SESN1: variants seen among roughly 807,000 people sequenced by gnomAD.
The protein encoded by SESN1 is sestrin 1.
In SESN1, 30 loss-of-function variants were observed where a neutral mutation model predicts 59.3. The observed-to-expected ratio is 0.51, with a 90% CI of 0.38 to 0.69. SESN1 has a LOEUF of 0.69. SESN1 is among the 30% of genes least tolerant of loss of function. The pLI, the probability that SESN1 is intolerant of heterozygous loss-of-function variation, is 0.00. For synonymous variants in SESN1, 197 were observed against 219.9 expected, an observed-to-expected ratio of 0.90 and a Z score of 0.92; for missense variants, 566 against 673.0, an observed-to-expected ratio of 0.84 and a Z score of 1.76.
chr6:109,028,911 T>C (rs1472256842), intron 1 of SESN1, among the ~76,000 whole-genome samples: 2 of 152,168 alleles, frequency 1.3e-5, no homozygotes, highest in South Asian at 2.1e-4. Context: ...ATGGTGCATA[T>C]GGTGACATGA....
At chr6:109,013,100 G>A (rs796140261) in intron 1 of SESN1, among the ~76,000 whole-genome samples, 1,975 of 129,410 alleles carry the variant, frequency 0.015, 45 homozygotes, top group African/African-American at 0.05. Context: ...TGGCAACAGG[G>A]AAAAAAAAAA....
chr6:109,066,161 G>A (rs1434159646), intron 1 of SESN1, among the ~76,000 whole-genome samples: 1 of 151,982 alleles, frequency 6.6e-6, no homozygotes, highest in Non-Finnish European at 1.5e-5. Flanking sequence ...TTGATTTTTG[G>A]CTTAATAACA....
intron 1 of SESN1, among the ~76,000 whole-genome samples, chr6:109,054,993 C>T (rs1780605535): frequency 6.6e-6 from 1 of 152,172 alleles, no homozygotes; most frequent in Non-Finnish European, 1.5e-5. Context: ...TACTTTTCTC[C>T]AAGAAGGTGA....
chr6:109,087,234 G>A (rs1057252146), intron 1 of SESN1, among the ~76,000 whole-genome samples: 12 of 152,138 alleles, frequency 7.9e-5, no homozygotes, highest in African/African-American at 2.7e-4. Flanking sequence ...TCAAAACATA[G>A]GACAGGATGT....
intron 1 of SESN1, among the ~76,000 whole-genome samples, chr6:109,065,478 C>T (rs1308141329): frequency 6.6e-6 from 1 of 151,826 alleles, no homozygotes; most frequent in Non-Finnish European, 1.5e-5. Flanking sequence ...CCTGATTGTC[C>T]CTCTCACACA....
At chr6:108,988,288 A>C in intron 9 of SESN1, 1 of 317,468 alleles carries the variant, frequency 3.1e-6, no homozygotes, top group Non-Finnish European at 5.7e-6. Flanking sequence ...TTTATAAAAC[A>C]GTCTTCTATG....
intron 3 of SESN1, 32 bp downstream of exon 3, chr6:109,001,255 GC>G: frequency 6.3e-7 from 1 of 1,582,486 alleles, no homozygotes; most frequent in Non-Finnish European, 8.7e-7. Context: ...ATAAAAATAG[GC>G]AAAAACAATT....
chr6:109,043,269 A>G (rs1259151206), intron 1 of SESN1, among the ~76,000 whole-genome samples: 1 of 152,168 alleles, frequency 6.6e-6, no homozygotes, highest in Non-Finnish European at 1.5e-5. Flanking sequence ...CTTTCCTCTT[A>G]AGATTGGGAA....
chr6:109,049,624 T>C (rs1780510847), intron 1 of SESN1, among the ~76,000 whole-genome samples: 1 of 151,842 alleles, frequency 6.6e-6, no homozygotes, highest in African/African-American at 2.4e-5. Context: ...GAAACACTAT[T>C]ATGTACCCCA....
chr6:109,016,445 T>G (rs1473288832), intron 1 of SESN1, among the ~76,000 whole-genome samples: 1 of 152,216 alleles, frequency 6.6e-6, no homozygotes, highest in Non-Finnish European at 1.5e-5. Context: ...ACCTTCTTTT[T>G]CTGCCTTCTT....
At chr6:109,057,588 C>G (rs1780657494) in intron 1 of SESN1, among the ~76,000 whole-genome samples, 1 of 152,200 alleles carries the variant, frequency 6.6e-6, no homozygotes, top group Non-Finnish European at 1.5e-5. Context: ...TACCTCTGCT[C>G]AGAAGTTCAT....
At chr6:109,052,132 A>C (rs983188296) in intron 1 of SESN1, among the ~76,000 whole-genome samples, 31 of 152,358 alleles carry the variant, frequency 2.0e-4, no homozygotes, top group South Asian at 1.0e-3. Flanking sequence ...AGCTGCAAAT[A>C]CATCAAAATG....
chr6:109,008,105 G>A (rs1480021299), intron 1 of SESN1, among the ~76,000 whole-genome samples: 1 of 152,044 alleles, frequency 6.6e-6, no homozygotes, highest in Non-Finnish European at 1.5e-5. Context: ...TCCCATAAGC[G>A]CTGTAACAAT....
intron 6 of SESN1, among the ~76,000 whole-genome samples, chr6:108,993,604 C>T (rs528473074): frequency 1.3e-5 from 2 of 152,254 alleles, no homozygotes; most frequent in African/African-American, 4.8e-5. Flanking sequence ...CATCTGGAGA[C>T]ACTTTATAAA....
intron 1 of SESN1, among the ~76,000 whole-genome samples, chr6:109,057,353 TCA>T (rs1233432914): frequency 6.6e-6 from 1 of 152,216 alleles, no homozygotes; most frequent in Non-Finnish European, 1.5e-5. Flanking sequence ...TTGATACAAA[TCA>T]CATTCTAAGG....
At chr6:109,072,862 C>T (rs1344717389) in intron 1 of SESN1, among the ~76,000 whole-genome samples, 1 of 150,606 alleles carries the variant, frequency 6.6e-6, no homozygotes, top group Non-Finnish European at 1.5e-5. Flanking sequence ...TAGTTGACTA[C>T]GGAATCACCA....
chr6:109,020,824 T>C (rs1187921159), intron 1 of SESN1, among the ~76,000 whole-genome samples: 1 of 152,216 alleles, frequency 6.6e-6, no homozygotes, highest in Non-Finnish European at 1.5e-5. Context: ...CAAATTTATA[T>C]TCTAAAGCAG....
intron 1 of SESN1, among the ~76,000 whole-genome samples, chr6:109,085,515 T>TCA (rs59793015): frequency 0.082 from 12,111 of 148,234 alleles, 598 homozygotes; most frequent in Non-Finnish European, 0.12. Context: ...TGACACTCCG[T>TCA]CACACACACA....
chr6:109,000,675 T>A lies in SESN1; in HGVS notation c.547-2A>T, dbSNP rs755131214. Reference sequence around the variant, plus strand: ...GGAGCACTGATGTCTTGCCGCAGCCTTAAAACAAAAAGATTATTCTAATTA... The same window carrying A: ...GGAGCACTGATGTCTTGCCGCAGCCATAAAACAAAAAGATTATTCTAATTA... On this transcript the variant is annotated splice_acceptor_variant, in intron 3 of 9. Coordinates refer to ENST00000436639, the MANE Select transcript of SESN1 (RefSeq NM_014454.3). LOFTEE classifies it high-confidence loss of function. 6.5e-7 allele frequency: 1 copy of A among 1,548,406 alleles called. No individual in the cohort carries two copies. Among genetic ancestry groups the A allele is most frequent in the Admixed American group, 1.9e-5 (1 of 51,864 alleles).
Sources: allele counts gnomAD v4.1 joint callset (sites outside exome capture counted in the v4.1 genomes callset), GRCh38; gene constraint gnomAD v4.1.1; transcripts MANE v1.5; gene names NCBI Gene and HGNC (gene_info 2026-07-23, HGNC 2026-07-21).